PLCE1: variants seen among roughly 807,000 people sequenced by gnomAD.
The protein encoded by PLCE1 is phospholipase C epsilon 1, also known as 1-phosphatidylinositol 4,5-bisphosphate phosphodiesterase epsilon-1.
In PLCE1, 119 loss-of-function variants were observed where a neutral mutation model predicts 242.8. That is an observed-to-expected ratio of 0.49 (90% CI 0.42 to 0.57). The LOEUF is 0.57. PLCE1 is among the 20% of genes least tolerant of loss of function. The probability of loss-of-function intolerance (pLI) is 0.00; values close to 1 mark genes in which losing one functional copy is unlikely to be tolerated. For missense variants in PLCE1, 2,441 were observed against 2,788.8 expected (o/e 0.88, Z 2.81); for synonymous variants, 945 against 1,017.4 (o/e 0.93, Z 1.35).
At chr10:94,186,201 T>C (rs989738260) in intron 4 of PLCE1, among the ~76,000 whole-genome samples, 2 of 152,210 alleles carry the variant, frequency 1.3e-5, no homozygotes, top group Non-Finnish European at 2.9e-5. Context: ...TCCTCATCTG[T>C]TCTGAACAGT....
chr10:94,017,818 C>T (rs1020530936), intron 1 of PLCE1, among the ~76,000 whole-genome samples: 3 of 152,096 alleles, frequency 2.0e-5, no homozygotes, highest in African/African-American at 7.2e-5. Flanking sequence ...GTAGGCTAGA[C>T]ATCAGATGTA....
chr10:94,293,461 C>A (rs771395710), intron 22 of PLCE1, 47 bp from the exon 23 acceptor site: 73 of 1,601,642 alleles, frequency 4.6e-5, no homozygotes, highest in Non-Finnish European at 6.2e-5. Flanking sequence ...TGTTGAGTTG[C>A]CTTGCTTGTA....
At chr10:94,071,054 G>C (rs2044337291) in intron 2 of PLCE1, among the ~76,000 whole-genome samples, 1 of 152,190 alleles carries the variant, frequency 6.6e-6, no homozygotes, top group Non-Finnish European at 1.5e-5. Context: ...AGAACAAAGT[G>C]AAGTTCAGGA....
At chr10:94,280,100 A>G in intron 20 of PLCE1, 189 bp downstream of exon 20, 1 of 629,678 alleles carries the variant, frequency 1.6e-6, no homozygotes, top group Non-Finnish European at 2.8e-6. Context: ...GCCAACACTT[A>G]CAGAAAGAAG....
At chr10:94,091,425 GT>G (rs1176591628) in intron 2 of PLCE1, among the ~76,000 whole-genome samples, 1 of 152,186 alleles carries the variant, frequency 6.6e-6, no homozygotes, top group Non-Finnish European at 1.5e-5. Flanking sequence ...CACCTGCAGA[GT>G]TGGTTACAAC....
At chr10:94,195,715 T>C (rs975500348) in intron 4 of PLCE1, among the ~76,000 whole-genome samples, 2 of 152,212 alleles carry the variant, frequency 1.3e-5, no homozygotes, top group Non-Finnish European at 2.9e-5. Flanking sequence ...TATTAGATGA[T>C]GCTAATCATT....
intron 23 of PLCE1, among the ~76,000 whole-genome samples, chr10:94,295,848 A>G (rs1282485535): frequency 6.6e-6 from 1 of 152,212 alleles, no homozygotes; most frequent in African/African-American, 2.4e-5. Context: ...TGTTCCATCT[A>G]TAGAATACAG....
chr10:94,007,205 G>A (rs922250318), intron 1 of PLCE1, among the ~76,000 whole-genome samples: 3 of 152,040 alleles, frequency 2.0e-5, no homozygotes, highest in African/African-American at 7.3e-5. Context: ...TTTCTACATC[G>A]TGTGTTGGCT....
Position 94,330,605 on chromosome 10 carries a change from T to C in PLCE1, c.*2662T>C, listed in dbSNP as rs1017577584. Reference sequence around the variant, plus strand: ...TTGGGGAGGCTGAGGCAGGAGAGAATTGCCTGAACTCAAGACGCAGAGGTT... The same window carrying C: ...TTGGGGAGGCTGAGGCAGGAGAGAACTGCCTGAACTCAAGACGCAGAGGTT... On this transcript the variant is annotated 3_prime_UTR_variant, in exon 33 of 33. Coordinates refer to ENST00000371380, the MANE Select transcript of PLCE1 (RefSeq NM_016341.4). 1 of 151,580 alleles carries C rather than the reference T, an allele frequency of 6.6e-6. No homozygotes were observed. Among genetic ancestry groups the C allele is most frequent in the Non-Finnish European group, 1.5e-5 (1 of 67,938 alleles). 9.4% of individuals were successfully genotyped at this position (151,580 alleles called of 1,614,324 possible).
At chr10:94,006,522 T>A (rs1169913675) in intron 1 of PLCE1, among the ~76,000 whole-genome samples, 1 of 152,176 alleles carries the variant, frequency 6.6e-6, no homozygotes. Context: ...AGTTTCAAAG[T>A]CTCTAAAATT....
intron 2 of PLCE1, among the ~76,000 whole-genome samples, chr10:94,057,589 A>C (rs1172759643): frequency 1.3e-5 from 2 of 152,238 alleles, no homozygotes; most frequent in African/African-American, 4.8e-5. Context: ...CTTTTCTCTC[A>C]GAAGAATTAC....
intron 1 of PLCE1, among the ~76,000 whole-genome samples, chr10:94,028,552 A>G (rs2061496330): frequency 6.6e-6 from 1 of 152,146 alleles, no homozygotes; most frequent in African/African-American, 2.4e-5. Flanking sequence ...GGGGCGGGGA[A>G]TTAGGCTCCA....
At chr10:94,150,168 A>G (rs1356559274) in intron 3 of PLCE1, among the ~76,000 whole-genome samples, 5 of 152,124 alleles carry the variant, frequency 3.3e-5, no homozygotes, top group African/African-American at 1.2e-4. Context: ...CGGGCCTTCC[A>G]CTACGGCCCC....
Position 94,176,244 on chromosome 10 carries a change from C to T in PLCE1, c.1809+4748C>T, listed in dbSNP as rs140952098. On this transcript the variant is annotated intron_variant, in intron 4 of 32. Coordinates refer to ENST00000371380, the MANE Select transcript of PLCE1 (RefSeq NM_016341.4). ...CAAAACCTCATCTCCACAAAAAGTA[C>T]AAAAAATTAGCCAGGCATGGTGGTG... Among the ~76,000 whole-genome samples the T allele has an allele frequency of 5.1e-4, 77 of 152,094 alleles. No individual in the cohort carries two copies. The East Asian group carries it at 0.014, about 28-fold the overall frequency.
At chr10:94,278,601 A>C (rs989231850) in intron 19 of PLCE1, among the ~76,000 whole-genome samples, 1 of 152,134 alleles carries the variant, frequency 6.6e-6, no homozygotes, top group Admixed American at 6.5e-5. Context: ...CTTTGTAACC[A>C]TTTCATTTTA....
At chr10:94,319,965 G>C (rs1252837935) in intron 29 of PLCE1, among the ~76,000 whole-genome samples, 3 of 149,900 alleles carry the variant, frequency 2.0e-5, no homozygotes, top group Non-Finnish European at 4.4e-5. Context: ...CGCCTCCCGG[G>C]TTCACACCAC....
chr10:94,250,315 A>C (rs2050832432), intron 8 of PLCE1, among the ~76,000 whole-genome samples: 3 of 152,044 alleles, frequency 2.0e-5, no homozygotes, highest in Non-Finnish European at 1.5e-5. Flanking sequence ...CAGCCTGGCC[A>C]ACATGGTGAA....
chr10:94,094,996 T>C (rs2045249989), intron 2 of PLCE1, among the ~76,000 whole-genome samples: 1 of 152,264 alleles, frequency 6.6e-6, no homozygotes, highest in South Asian at 2.1e-4. Flanking sequence ...TTTTCTTACA[T>C]GGCTACTCCA....
At chr10:94,047,484 G>T (rs1013017410) in intron 2 of PLCE1, among the ~76,000 whole-genome samples, 1 of 151,908 alleles carries the variant, frequency 6.6e-6, no homozygotes, top group East Asian at 1.9e-4. Context: ...TTTTCCTCCC[G>T]CCTTTTATGA....
Sources: allele counts gnomAD v4.1 joint callset (sites outside exome capture counted in the v4.1 genomes callset), GRCh38; gene constraint gnomAD v4.1.1; transcripts MANE v1.5; gene names NCBI Gene and HGNC (gene_info 2026-07-23, HGNC 2026-07-21).